The following BOC variants were observed in gnomAD, a reference collection of about 807,000 sequenced individuals.
The protein encoded by BOC is brother of CDO.
A neutral mutation model predicts 112.0 loss-of-function variants in BOC; 76 were observed. The observed-to-expected ratio is 0.68, with a 90% CI of 0.56 to 0.82. The LOEUF is 0.82. Ranked by LOEUF, BOC falls within the 40% of genes least tolerant of loss-of-function variation. BOC has a pLI of 0.00. For synonymous variants in BOC, 580 were observed against 599.8 expected (o/e 0.97, Z 0.48); for missense variants, 1,309 against 1,511.7 (o/e 0.87, Z 2.22).
chr3:113,287,222 G>T lies in BOC; in HGVS notation c.*360G>T. ...GGATCCCAGGCACATGGTTCATCAC[G>T]AGCATGAGGGAACAGCAAGGGGCAC... is the stretch of plus-strand genomic sequence containing the variant. On this transcript the variant is annotated 3_prime_UTR_variant, in exon 20 of 20. Transcript: ENST00000682979. 1 of 369,854 alleles carries T rather than the reference G, an allele frequency of 2.7e-6. No homozygotes were observed. The highest frequency in any genetic ancestry group is 3.8e-5 in the Admixed American group (1 of 26,050). 22.9% of individuals were successfully genotyped at this position (369,854 alleles called of 1,614,324 possible).
Position 113,283,665 on chromosome 3 carries a change from T to C in BOC, c.2656+33T>C, listed in dbSNP as rs754907849. On this transcript the variant is annotated intron_variant, in intron 16 of 19. Coordinates refer to ENST00000682979, the MANE Select transcript of BOC (RefSeq NM_001378074.1). ...AGTGACGCTTTCAGTGGGAGGATCC[T>C]GGGTGGGAAATGGGGGCTCCACTAA... The C allele has an allele frequency of 2.6e-5, 41 of 1,595,640 alleles. No homozygotes were observed. In the Admixed American group the frequency reaches 4.2e-4, roughly 16 times the overall value.
intron 4 of BOC, 190 bp downstream of exon 4, chr3:113,251,023 A>T: frequency 1.4e-6 from 1 of 696,808 alleles, no homozygotes; most frequent in Non-Finnish European, 2.4e-6. Flanking sequence ...CCCTTGGAAA[A>T]CCTCACTCCA....
chr3:113,254,782 G>A lies in BOC; in HGVS notation c.376+3949G>A, dbSNP rs377621097. Among the ~76,000 whole-genome samples the A allele has an allele frequency of 1.3e-4, 20 of 152,338 alleles. No homozygotes were observed. The East Asian group carries it at 1.5e-3, about 12-fold the overall frequency. ...CCTCCTGCATCCACCCTTTAGAAGG[G>A]TCATGGGGCTATAGGTCATGGGGCT... On this transcript the variant is annotated intron_variant, in intron 4 of 19. Coordinates refer to ENST00000682979, the MANE Select transcript of BOC (RefSeq NM_001378074.1).
Position 113,283,451 on chromosome 3 carries a change from A to G in BOC, c.2475A>G (p.Pro825=). ...GCCAGCCTGGTCGACTGCCACCCCC[A>G]ACTCTGGCCCCACCACAGCCGCCCC... ...SSGQPGRLPP[P]TLAPPQPPLP... is the part of the protein sequence containing the mutation. The change falls in exon 16 of 20, where the codon CCA becomes CCG. Residue 825 remains proline (P), a synonymous_variant. Coordinates refer to ENST00000682979, the MANE Select transcript of BOC (RefSeq NM_001378074.1). 1 of 1,611,668 alleles carries G rather than the reference A, an allele frequency of 6.2e-7. No individual in the cohort carries two copies. Among genetic ancestry groups the G allele is most frequent in the Non-Finnish European group, 8.5e-7 (1 of 1,178,106 alleles).
At position 113,270,551 on chromosome 3, in the gene BOC, TAGTCAGTC is replaced by T. The variant is rs201118020; in HGVS notation, c.524-247_524-240del. ...GACCTATGCACTAAGTTGTGGCAGTTAGTCAGTCAGCCAGTCTGTTAGCTGGTTGGTTA... is the reference window on the plus strand; with the variant it reads ...GACCTATGCACTAAGTTGTGGCAGTTAGCCAGTCTGTTAGCTGGTTGGTTA... On this transcript the variant is annotated intron_variant, in intron 5 of 19. Transcript: ENST00000682979. 2.4e-3 allele frequency: 1,113 copies of T among 468,186 alleles called. 8 individuals carry two copies. The highest frequency in any genetic ancestry group is 0.019 in the African/African-American group (996 of 51,696). 29.0% of individuals were successfully genotyped at this position (468,186 alleles called of 1,614,324 possible).
intron 15 of BOC, 30 bp from the exon 16 acceptor site, chr3:113,283,381 T>G (rs747708538): frequency 5.1e-6 from 8 of 1,554,686 alleles, no homozygotes; most frequent in African/African-American, 1.4e-5. Context: ...AAGAAACATA[T>G]GCTGAAGTGA....
chr3:113,243,493 T>G (rs1180256045), intron 2 of BOC, among the ~76,000 whole-genome samples: 1 of 152,234 alleles, frequency 6.6e-6, no homozygotes, highest in African/African-American at 2.4e-5. Flanking sequence ...TTTTACCTAC[T>G]CTTTTTAACA....
rs573211881 is a variant in BOC, at chr3:113,217,444, T to G, written c.-82+1170T>G. ...TGGGAGGCTGAGGCAGGAGGATCCCTTGAGCCCAGGAGGTTGAAGTTGCAG... is the reference window on the plus strand; with the variant it reads ...TGGGAGGCTGAGGCAGGAGGATCCCGTGAGCCCAGGAGGTTGAAGTTGCAG... On this transcript the variant is annotated intron_variant, in intron 2 of 19. Transcript: ENST00000682979. Among the ~76,000 whole-genome samples, 181 of 152,210 alleles carry G rather than the reference T, an allele frequency of 1.2e-3. 1 individual carries two copies. The highest frequency in any genetic ancestry group is 3.9e-3 in the African/African-American group (160 of 41,534).
chr3:113,233,554 TC>T (rs2107730295), intron 2 of BOC, among the ~76,000 whole-genome samples: 1 of 152,246 alleles, frequency 6.6e-6, no homozygotes, highest in South Asian at 2.1e-4. Context: ...TGCTCGCTTC[TC>T]TCCACCATGA....
intron 4 of BOC, among the ~76,000 whole-genome samples, chr3:113,263,641 G>T (rs1292627957): frequency 6.6e-6 from 1 of 152,146 alleles, no homozygotes; most frequent in Non-Finnish European, 1.5e-5. Flanking sequence ...TGAAAATTGG[G>T]GGATAAGCTT....
In BOC at chr3:113,286,834, C is replaced by A; in HGVS notation, c.3320C>A (p.Ser1107Tyr). The change falls in exon 20 of 20, where the codon TCT (serine) becomes TAT (tyrosine). Residue 1107 changes from serine (S) to tyrosine (Y), a missense_variant. Physicochemically the swap from Ser to Tyr is moderately radical, Grantham distance 144 (BLOSUM62 -2). Coordinates refer to ENST00000682979, the MANE Select transcript of BOC (RefSeq NM_001378074.1). Reference protein sequence around the residue: ...QLSPGPLVRVSFETPPLTI With the variant: ...QLSPGPLVRVYFETPPLTI ...TCCCCGGGGCCACTGGTGCGTGTGTCTTTTGAAACACCACCTCTCACAATT... is the reference window on the plus strand; with the variant it reads ...TCCCCGGGGCCACTGGTGCGTGTGTATTTTGAAACACCACCTCTCACAATT... 6.3e-7 allele frequency: 1 copy of A among 1,598,250 alleles called. No homozygotes were observed. Among genetic ancestry groups the A allele is most frequent in the South Asian group, 1.1e-5 (1 of 88,076 alleles).
intron 4 of BOC, among the ~76,000 whole-genome samples, chr3:113,266,228 T>G (rs888946314): frequency 6.6e-6 from 1 of 152,176 alleles, no homozygotes; most frequent in Non-Finnish European, 1.5e-5. Context: ...TGTGTGTGTG[T>G]GGGTACATAG....
At chr3:113,283,752 G>A (rs893134018) in intron 16 of BOC, 120 bp downstream of exon 16, 4 of 946,486 alleles carry the variant, frequency 4.2e-6, no homozygotes, top group Admixed American at 2.6e-5. Context: ...CAAAGGTCTC[G>A]GAGGTCAGAG....
At chr3:113,233,931 C>G (rs946357951) in intron 2 of BOC, among the ~76,000 whole-genome samples, 1 of 151,984 alleles carries the variant, frequency 6.6e-6, no homozygotes, top group Non-Finnish European at 1.5e-5. Flanking sequence ...CAGACACTCA[C>G]GTATCACCTT....
intron 4 of BOC, among the ~76,000 whole-genome samples, chr3:113,255,655 G>A (rs959775890): frequency 6.6e-6 from 1 of 151,986 alleles, no homozygotes; most frequent in African/African-American, 2.4e-5. Flanking sequence ...AGAACAGATC[G>A]GTCACCGCTC....
At position 113,278,153 on chromosome 3, in the gene BOC, G is replaced by C. The variant is rs149038528; in HGVS notation, c.1601G>C (p.Arg534Pro). 1 of 1,614,172 alleles carries C rather than the reference G, an allele frequency of 6.2e-7. No homozygotes were observed. The highest frequency in any genetic ancestry group is 8.5e-7 in the Non-Finnish European group (1 of 1,180,046). Residue 534 changes from arginine (R) to proline (P), a missense_variant, in exon 10 of 20, where the codon CGC (arginine) becomes CCC (proline). By Grantham distance (103) the Arg-to-Pro change is moderately radical. Coordinates refer to ENST00000682979, the MANE Select transcript of BOC (RefSeq NM_001378074.1). This position sits in a 1 kb window ranked among gnomAD's most constrained non-coding sequence, Gnocchi z 4.2. Reference protein sequence around the residue: ...TISGIPANQHRLTLTRLDPGS... With the variant: ...TISGIPANQHPLTLTRLDPGS... The stretch of plus-strand genomic sequence containing the variant: ...TCTGGCATTCCAGCCAACCAGCACC[G>C]CCTGACCCTCACCAGACTTGACCCC...
intron 4 of BOC, 165 bp downstream of exon 4, chr3:113,250,998 T>C (rs1945563294): frequency 1.1e-6 from 1 of 876,372 alleles, no homozygotes; most frequent in South Asian, 1.7e-5. Context: ...TGCCCAGTGA[T>C]GGGGGACCCT....
At chr3:113,284,607 C>A (rs1241930682) in intron 17 of BOC, 40 bp downstream of exon 17, 1 of 1,586,024 alleles carries the variant, frequency 6.3e-7, no homozygotes, top group African/African-American at 1.3e-5. Flanking sequence ...TATGGGACAC[C>A]CAGGAGGGAG....
rs1299071586 is a variant in BOC, at chr3:113,236,258, GTGTGTGTGTATA to G, written c.-81-13462_-81-13451del. ...TGTGTGTGTGTGTGTGTGTGTGTGTGTGTGTGTGTATATATACCCATGGGTATATATATATAT... is the reference window on the plus strand; with the variant it reads ...TGTGTGTGTGTGTGTGTGTGTGTGTGTATACCCATGGGTATATATATATAT... On this transcript the variant is annotated intron_variant, in intron 2 of 19. Transcript: ENST00000682979. 3.2e-3 allele frequency among the ~76,000 whole-genome samples: 101 copies of G among 31,946 alleles called. 3 individuals carry two copies. Among genetic ancestry groups the G allele is most frequent in the African/African-American group, 6.8e-3 (64 of 9,446 alleles). The allele number at this position is 31,946 out of a possible 152,430, so 21.0% of individuals were successfully genotyped here.
Sources: gnomAD v4.1 joint callset for allele counts (sites outside exome capture counted in the v4.1 genomes callset) on GRCh38, gnomAD v4.1.1 for gene constraint, Gnocchi (gnomAD v3.1) non-coding constraint, MANE v1.5 for transcripts, NCBI Gene and HGNC (gene_info 2026-07-23, HGNC 2026-07-21) for gene names.